SRGAP1: variants seen among roughly 807,000 people sequenced by gnomAD.
The protein encoded by SRGAP1 is SLIT-ROBO Rho GTPase activating protein 1, also known as SLIT-ROBO Rho GTPase-activating protein 1.
Under a neutral mutation model 121.9 loss-of-function variants are expected in SRGAP1, and 43 were observed. The observed-to-expected ratio is 0.35, with a 90% confidence interval of 0.28 to 0.46. SRGAP1 has a LOEUF of 0.46. Among genes scored for constraint, SRGAP1 ranks in the 20% least tolerant of loss-of-function variants. The pLI, the probability that SRGAP1 is intolerant of heterozygous loss-of-function variation, is 1.00. For synonymous variants in SRGAP1, 447 were observed against 485.4 expected, an observed-to-expected ratio of 0.92 and a Z score of 1.04; for missense variants, 1,102 against 1,350.9, an observed-to-expected ratio of 0.82 and a Z score of 2.89.
chr12:64,052,059 G>A (rs2035248026), intron 6 of SRGAP1, among the ~76,000 whole-genome samples: 1 of 152,064 alleles, frequency 6.6e-6, no homozygotes, highest in East Asian at 1.9e-4. Flanking sequence ...TGATATTGAT[G>A]GTAATACAAT....
At chr12:63,993,015 C>T (rs181050066) in intron 3 of SRGAP1, among the ~76,000 whole-genome samples, 2 of 152,216 alleles carry the variant, frequency 1.3e-5, no homozygotes, top group African/African-American at 2.4e-5. Flanking sequence ...ACCTTACCTT[C>T]CCATCTGTGT....
chr12:64,156,518 A>G lies in SRGAP1; in HGVS notation c.*13846A>G, dbSNP rs1189083744. The G allele has an allele frequency of 2.0e-5, 3 of 152,206 alleles. No homozygotes were observed. The highest frequency in any genetic ancestry group is 7.2e-5 in the African/African-American group (3 of 41,448). The allele number at this position is 152,206 out of a possible 1,614,324, so 9.4% of individuals were successfully genotyped here. The stretch of plus-strand genomic sequence containing the variant: ...TGGATACCCAAGGGTACTCATCTAC[A>G]GGATGAAAGGGTATGAGCACGTTTC... On this transcript the variant is annotated 3_prime_UTR_variant, in exon 22 of 22. Transcript: ENST00000355086.
intron 1 of SRGAP1, among the ~76,000 whole-genome samples, chr12:63,867,700 A>G (rs1156484531): frequency 1.3e-4 from 20 of 152,134 alleles, no homozygotes; most frequent in Admixed American, 1.3e-3. Flanking sequence ...CTCAATAACA[A>G]TGAGTTGCTA....
chr12:63,918,973 CAAAT>C (rs1347808405), intron 1 of SRGAP1, among the ~76,000 whole-genome samples: 1 of 151,136 alleles, frequency 6.6e-6, no homozygotes, highest in Non-Finnish European at 1.5e-5. Context: ...GCTATAAAGA[CAAAT>C]GAAGTTCAGA....
At chr12:63,874,351 C>T (rs1308448219) in intron 1 of SRGAP1, among the ~76,000 whole-genome samples, 2 of 151,990 alleles carry the variant, frequency 1.3e-5, no homozygotes, top group Admixed American at 1.3e-4. Flanking sequence ...CTACAGGTGC[C>T]TGCCACCATG....
chr12:64,144,835 A>ATTTT lies in SRGAP1; in HGVS notation c.*2163_*2164insTTTT, dbSNP rs2037024574. On this transcript the variant is annotated 3_prime_UTR_variant, in exon 22 of 22. Coordinates refer to ENST00000355086, the MANE Select transcript of SRGAP1 (RefSeq NM_020762.4). ...TTTAAACTTTCCAAAATAATCCCCC[A>ATTTT]CTTTTTTTTTTTTTTTTTTTTTTTT... The ATTTT allele has an allele frequency of 1.8e-5, 1 of 55,780 alleles. No homozygotes were observed. Among genetic ancestry groups the ATTTT allele is most frequent in the African/African-American group, 8.0e-5 (1 of 12,436 alleles). 3.5% of individuals were successfully genotyped at this position (55,780 alleles called of 1,614,324 possible). A position where few individuals can be genotyped will look rare whatever the true frequency, so the allele number is the denominator to read the frequency against.
At chr12:64,055,180 A>G (rs1482139263) in intron 6 of SRGAP1, among the ~76,000 whole-genome samples, 2 of 148,776 alleles carry the variant, frequency 1.3e-5, no homozygotes, top group African/African-American at 5.0e-5. Context: ...TCAATGTACA[A>G]AAATCACAAG....
intron 1 of SRGAP1, among the ~76,000 whole-genome samples, chr12:63,956,828 A>C (rs1302387474): frequency 6.6e-6 from 1 of 151,514 alleles, no homozygotes; most frequent in Non-Finnish European, 1.5e-5. Context: ...GCTGTGCAAC[A>C]ATCATCACAA....
At chr12:64,097,588 C>G (rs1229564117) in intron 15 of SRGAP1, 3 of 424,518 alleles carry the variant, frequency 7.1e-6, no homozygotes, top group Non-Finnish European at 1.2e-5. Flanking sequence ...TCCTGAACAT[C>G]CTCTGGCTCC....
In SRGAP1 at chr12:64,148,009, C is replaced by T. The variant is rs1482502073; in HGVS notation, c.*5337C>T. Reference sequence around the variant, plus strand: ...CTTGTTCATTTGGAAATAGGGTGTCCTGCACAGGGCCCTGCCCATGAAGCT... The same window carrying T: ...CTTGTTCATTTGGAAATAGGGTGTCTTGCACAGGGCCCTGCCCATGAAGCT... On this transcript the variant is annotated 3_prime_UTR_variant, in exon 22 of 22. Coordinates refer to ENST00000355086, the MANE Select transcript of SRGAP1 (RefSeq NM_020762.4). The T allele has an allele frequency of 5.7e-6, 1 of 175,398 alleles. No individual in the cohort carries two copies. Among genetic ancestry groups the T allele is most frequent in the African/African-American group, 2.4e-5 (1 of 42,448 alleles). 10.9% of individuals were successfully genotyped at this position (175,398 alleles called of 1,614,324 possible). A position where few individuals can be genotyped will look rare whatever the true frequency, so the allele number is the denominator to read the frequency against.
At chr12:63,975,818 TCATA>T (rs2033077537) in intron 1 of SRGAP1, among the ~76,000 whole-genome samples, 1 of 152,198 alleles carries the variant, frequency 6.6e-6, no homozygotes, top group African/African-American at 2.4e-5. Context: ...AATGAGTGAT[TCATA>T]AATAATTATA....
intron 21 of SRGAP1, among the ~76,000 whole-genome samples, chr12:64,135,293 A>G (rs940283659): frequency 6.6e-6 from 1 of 152,176 alleles, no homozygotes; most frequent in Non-Finnish European, 1.5e-5. Context: ...CTGTGCATGT[A>G]TCTTTCATTG....
intron 4 of SRGAP1, among the ~76,000 whole-genome samples, chr12:64,022,975 A>G (rs2034581069): frequency 6.6e-6 from 1 of 152,160 alleles, no homozygotes; most frequent in South Asian, 2.1e-4. Flanking sequence ...ATACAGGTAA[A>G]GCATTCAGAA....
At chr12:63,948,035 A>G (rs1262588148) in intron 1 of SRGAP1, among the ~76,000 whole-genome samples, 1 of 150,366 alleles carries the variant, frequency 6.7e-6, no homozygotes, top group African/African-American at 2.5e-5. Flanking sequence ...TTTTTCATCT[A>G]TTGATATAAT....
chr12:63,928,072 G>GC (rs1378718367), intron 1 of SRGAP1, among the ~76,000 whole-genome samples: 1 of 152,068 alleles, frequency 6.6e-6, no homozygotes, highest in East Asian at 1.9e-4. Flanking sequence ...AAAAATAGCT[G>GC]TTTTGTTAGT....
At chr12:63,988,885 G>A (rs1319115635) in intron 2 of SRGAP1, among the ~76,000 whole-genome samples, 4 of 152,078 alleles carry the variant, frequency 2.6e-5, no homozygotes, top group Admixed American at 2.6e-4. Context: ...ATCTCGGCTC[G>A]CTGCAACCTC....
At chr12:64,001,431 C>A (rs975081411) in intron 3 of SRGAP1, among the ~76,000 whole-genome samples, 10 of 152,184 alleles carry the variant, frequency 6.6e-5, no homozygotes, top group Admixed American at 3.9e-4. Context: ...ATATGACTTG[C>A]TTTGGTCAAT....
chr12:63,861,989 C>T (rs1268889307), intron 1 of SRGAP1, among the ~76,000 whole-genome samples: 4 of 151,976 alleles, frequency 2.6e-5, no homozygotes, highest in Non-Finnish European at 5.9e-5. Flanking sequence ...GGTGTGGTGG[C>T]GCATGCCTGT....
intron 1 of SRGAP1, among the ~76,000 whole-genome samples, chr12:63,956,299 A>C (rs2032466787): frequency 6.6e-6 from 1 of 152,182 alleles, no homozygotes; most frequent in Admixed American, 6.5e-5. Flanking sequence ...TTTTGGGCTC[A>C]AGCGATCCGT....
Sources: allele counts gnomAD v4.1 joint callset (sites outside exome capture counted in the v4.1 genomes callset), GRCh38; gene constraint gnomAD v4.1.1; transcripts MANE v1.5; gene names NCBI Gene and HGNC (gene_info 2026-07-23, HGNC 2026-07-21).